Variants in NRAP observed in about 807,000 individuals in gnomAD.
The protein encoded by NRAP is nebulin related anchoring protein, also known as nebulin-related-anchoring protein.
NRAP carries 189 observed loss-of-function variants against 225.9 expected under a neutral mutation model. The ratio of observed to expected loss-of-function variants is 0.84; its 90% CI spans 0.74 to 0.94. The LOEUF is 0.94. Ranked by LOEUF, NRAP falls within the 40% of genes least tolerant of loss-of-function variation. The probability of loss-of-function intolerance (pLI) is 0.00; values close to 1 mark genes in which losing one functional copy is unlikely to be tolerated. For missense variants in NRAP, 2,176 were observed against 2,168.7 expected, an observed-to-expected ratio of 1.00 and a Z score of -0.07; for synonymous variants, 769 against 790.7, an observed-to-expected ratio of 0.97 and a Z score of 0.46.
intron 13 of NRAP, 23 bp from the exon 14 acceptor site, chr10:113,640,354 AG>A: frequency 3.8e-6 from 5 of 1,317,942 alleles, no homozygotes; most frequent in Non-Finnish European, 5.3e-6. Flanking sequence ...GAAAAGAAGA[AG>A]AATGGAGAAA....
chr10:113,638,648 C>G (rs1015009996), intron 14 of NRAP, among the ~76,000 whole-genome samples: 4 of 152,184 alleles, frequency 2.6e-5, no homozygotes, highest in Admixed American at 6.5e-5. Flanking sequence ...TGCTGCCTTG[C>G]AGGAACTAGG....
intron 9 of NRAP, among the ~76,000 whole-genome samples, chr10:113,648,467 C>CTCTATATATATATATATA (rs749486311): frequency 4.6e-5 from 4 of 87,356 alleles, no homozygotes; most frequent in African/African-American, 9.0e-5. Context: ...CTCTCTCTCT[C>CTCTATATATATATATATA]TATATATATA....
chr10:113,622,072 T>G lies in NRAP; in HGVS notation c.2566A>C (p.Ser856Arg). 6.2e-7 allele frequency: 1 copy of G among 1,614,196 alleles called. No individual in the cohort carries two copies. Among genetic ancestry groups the G allele is most frequent in the East Asian group, 2.2e-5 (1 of 44,894 alleles). ...AATCCCTTCTTGTACTCCAGCTCAC[T>G]CTGCAGCTTGGACATTTGCAGTGAG... ...SHSLQMSKLQ[S>R]ELEYKKGFED... Residue 856 changes from serine (S) to arginine (R), a missense_variant, in exon 24 of 42, where the codon AGT (serine) becomes CGT (arginine). Transcript: ENST00000359988.
Position 113,647,700 on chromosome 10 carries a change from C to A in NRAP, c.889-673G>T, listed in dbSNP as rs143296902. On this transcript the variant is annotated intron_variant, in intron 9 of 41. Coordinates refer to ENST00000359988, the MANE Select transcript of NRAP (RefSeq NM_198060.4). The stretch of plus-strand genomic sequence containing the variant: ...GCTGTCTCCCCCGGTGGTACTGTCT[C>A]CCCCAGTGGTACTGCCTTCCCCAAT... 5.8e-3 allele frequency among the ~76,000 whole-genome samples: 883 copies of A among 151,854 alleles called. 13 individuals are homozygous for A. The highest frequency in any genetic ancestry group is 0.02 in the African/African-American group (839 of 41,202).
At chr10:113,641,898 A>G (rs551607688) in intron 12 of NRAP, among the ~76,000 whole-genome samples, 1 of 152,342 alleles carries the variant, frequency 6.6e-6, no homozygotes, top group Non-Finnish European at 1.5e-5. Context: ...CCATTTCTAA[A>G]TATATGAAGG....
At chr10:113,615,936 C>T (rs893688853) in intron 26 of NRAP, 120 bp from the exon 27 acceptor site, 8 of 675,592 alleles carry the variant, frequency 1.2e-5, no homozygotes, top group Admixed American at 8.5e-5. Flanking sequence ...GACATGATTT[C>T]GGGCACCCTG....
chr10:113,597,980 G>T lies in NRAP; in HGVS notation c.4321C>A (p.Leu1441Ile). Residue 1441 changes from leucine (L) to isoleucine (I), a missense_variant, in exon 36 of 42, where the codon CTC becomes ATC. Physicochemically the swap from Leu to Ile is conservative, Grantham distance 5. This residue lies in a region of NRAP where 445 missense variants were observed against 426.1 expected (regional missense o/e 1.04). Coordinates refer to ENST00000359988, the MANE Select transcript of NRAP (RefSeq NM_198060.4). ...CAGGTTGATGGTACCTCGCTGATGA[G>T]TTCTCCAGCCTTCTTTGCACTCTCC... Reference protein sequence around the residue: ...QMESAKKAGELISETKYRKKP... With the variant: ...QMESAKKAGEIISETKYRKKP... 6.2e-7 allele frequency: 1 copy of T among 1,610,154 alleles called. No individual in the cohort carries two copies. The highest frequency in any genetic ancestry group is 8.5e-7 in the Non-Finnish European group (1 of 1,176,514).
chr10:113,611,379 T>C (rs1012673256), intron 30 of NRAP, among the ~76,000 whole-genome samples: 2 of 152,184 alleles, frequency 1.3e-5, no homozygotes, highest in Admixed American at 6.5e-5. Context: ...AGAGGTTTTG[T>C]GCGGAGTTTT....
intron 20 of NRAP, 73 bp from the exon 21 acceptor site, chr10:113,626,218 C>T (rs921934144): frequency 3.5e-6 from 3 of 856,224 alleles, no homozygotes; most frequent in Non-Finnish European, 3.7e-6. Context: ...TGTGCCCCCA[C>T]ACACACACAC....
intron 35 of NRAP, among the ~76,000 whole-genome samples, chr10:113,601,238 C>T (rs995309393): frequency 5.9e-5 from 9 of 152,240 alleles, no homozygotes; most frequent in African/African-American, 1.9e-4. Context: ...CCACGAGAAC[C>T]TCAGCATCTC....
At chr10:113,651,164 G>A (rs1849940483) in intron 7 of NRAP, among the ~76,000 whole-genome samples, 1 of 152,100 alleles carries the variant, frequency 6.6e-6, no homozygotes, top group Non-Finnish European at 1.5e-5. Context: ...TCTGCTAACT[G>A]ACTTATCAAG....
Position 113,640,309 on chromosome 10 carries a change from T to C in NRAP, c.1346A>G (p.Lys449Arg), listed in dbSNP as rs746384933. The C allele has an allele frequency of 6.3e-7, 1 of 1,596,036 alleles. No homozygotes were observed. Among genetic ancestry groups the C allele is most frequent in the Admixed American group, 1.7e-5 (1 of 57,174 alleles). Reference sequence around the variant, plus strand: ...GTAGTTGTAGTCGACAATATCATGTTTATAATCAGCTTTGTAGGCAACCTA... The same window carrying C: ...GTAGTTGTAGTCGACAATATCATGTCTATAATCAGCTTTGTAGGCAACCTA... ...ASNVAYKADYKHDIVDYNYPA... is the reference protein window; with the variant it reads ...ASNVAYKADYRHDIVDYNYPA... The change falls in exon 14 of 42, where the codon AAA (lysine) becomes AGA (arginine). Residue 449 changes from lysine (K) to arginine (R), a missense_variant. By Grantham distance (26) the Lys-to-Arg change is conservative. Coordinates refer to ENST00000359988, the MANE Select transcript of NRAP (RefSeq NM_198060.4).
chr10:113,619,824 C>T (rs1352014850), intron 25 of NRAP, among the ~76,000 whole-genome samples: 5 of 152,130 alleles, frequency 3.3e-5, no homozygotes, highest in African/African-American at 1.2e-4. Context: ...CTGATGGTGT[C>T]CAGCCTCCTG....
intron 34 of NRAP, 75 bp from the exon 35 acceptor site, chr10:113,604,995 T>C (rs1846864918): frequency 6.6e-7 from 1 of 1,508,564 alleles, no homozygotes. Flanking sequence ...CACTTGTTCT[T>C]ACACTAGGAG....
At chr10:113,598,569 C>CA (rs1431945887) in intron 35 of NRAP, among the ~76,000 whole-genome samples, 3 of 152,200 alleles carry the variant, frequency 2.0e-5, no homozygotes, top group African/African-American at 7.2e-5. Flanking sequence ...AAGTTCATAA[C>CA]AACCCCTCTG....
intron 33 of NRAP, 146 bp downstream of exon 33, chr10:113,606,032 G>C (rs1035328903): frequency 6.5e-6 from 5 of 774,968 alleles, no homozygotes; most frequent in Non-Finnish European, 1.1e-5. Context: ...TCATATTTGT[G>C]AGAAGGTGTA....
chr10:113,658,057 A>G (rs889344208), intron 3 of NRAP, among the ~76,000 whole-genome samples: 3 of 152,146 alleles, frequency 2.0e-5, no homozygotes, highest in African/African-American at 4.8e-5. Flanking sequence ...GTCAAGGTTC[A>G]TTTTTTTCTA....
In NRAP at chr10:113,590,806, A is replaced by G; in HGVS notation, c.4728T>C (p.His1576=). The G allele has an allele frequency of 6.2e-7, 1 of 1,614,206 alleles. No individual in the cohort carries two copies. The highest frequency in any genetic ancestry group is 8.5e-7 in the Non-Finnish European group (1 of 1,180,040). Residue 1576 remains histidine, a synonymous_variant, in exon 40 of 42, where the codon CAT becomes CAC. Coordinates refer to ENST00000359988, the MANE Select transcript of NRAP (RefSeq NM_198060.4). ...RSVDDDPRMK[H]FLNVGRLQSD... ...TCTGGAGCCTGCCAACGTTGAGGAAATGCTTCATCCTTGGGTCATCGTCGA... is the reference window on the plus strand; with the variant it reads ...TCTGGAGCCTGCCAACGTTGAGGAAGTGCTTCATCCTTGGGTCATCGTCGA...
At chr10:113,613,196 G>C (rs964732425) in intron 29 of NRAP, among the ~76,000 whole-genome samples, 3 of 151,884 alleles carry the variant, frequency 2.0e-5, no homozygotes, top group African/African-American at 7.3e-5. Flanking sequence ...CTAGCATAAT[G>C]CCAAGGACAG....
Sources: allele counts gnomAD v4.1 joint callset (sites outside exome capture counted in the v4.1 genomes callset), GRCh38; gene constraint gnomAD v4.1.1; regional missense constraint gnomAD v4.1.1; transcripts MANE v1.5; gene names NCBI Gene and HGNC (gene_info 2026-07-23, HGNC 2026-07-21).